The following ATXN2 variants were observed in gnomAD, a reference collection of about 807,000 sequenced individuals.
ATXN2 encodes ataxin-2.
Under a neutral mutation model 138.6 loss-of-function variants are expected in ATXN2, and 37 were observed. The observed-to-expected ratio is 0.27, with a 90% CI of 0.21 to 0.35. The LOEUF is 0.35. Ranked by LOEUF, ATXN2 falls within the 10% of genes least tolerant of loss-of-function variation. The probability of loss-of-function intolerance (pLI) is 1.00; values close to 1 mark genes in which losing one functional copy is unlikely to be tolerated. For missense variants in ATXN2, 1,216 were observed against 1,480.3 expected (o/e 0.82, Z 2.93); for synonymous variants, 549 against 543.7 (o/e 1.01, Z -0.13).
intron 1 of ATXN2, among the ~76,000 whole-genome samples, chr12:111,594,226 C>T (rs1304358177): frequency 6.6e-6 from 1 of 152,154 alleles, no homozygotes; most frequent in Non-Finnish European, 1.5e-5. Flanking sequence ...TTCAATAAAG[C>T]TGTATTCAAC....
At chr12:111,463,092 C>T (rs915223787) in intron 21 of ATXN2, among the ~76,000 whole-genome samples, 1 of 151,804 alleles carries the variant, frequency 6.6e-6, no homozygotes, top group African/African-American at 2.4e-5. Context: ...ATTTTAAATG[C>T]TAATATGGCA....
chr12:111,539,478 TG>T (rs1229217207), intron 5 of ATXN2, among the ~76,000 whole-genome samples: 1 of 150,478 alleles, frequency 6.6e-6, no homozygotes. Context: ...CCGGGTGCGA[TG>T]GCTCATGCCT....
In ATXN2 at chr12:111,464,661, C is replaced by T. The variant is rs1225191954; in HGVS notation, c.2896+1G>A. ...AAATTAGTATAAAAAACCCAACTCA[C>T]TGGCAAAGTAGAAAGAAGGGCTTGT... On this transcript the variant is annotated splice_donor_variant, in intron 21 of 24. Coordinates refer to ENST00000673436, the MANE Select transcript of ATXN2 (RefSeq NM_001372574.1). LOFTEE classifies it high-confidence loss of function. The T allele has an allele frequency of 6.2e-7, 1 of 1,608,680 alleles. No homozygotes were observed. Among genetic ancestry groups the T allele is most frequent in the South Asian group, 1.1e-5 (1 of 90,704 alleles).
In ATXN2 at chr12:111,553,014, T is replaced by C. The variant is rs749097505; in HGVS notation, c.349-37A>G. The C allele has an allele frequency of 5.2e-6, 7 of 1,343,396 alleles. No individual in the cohort carries two copies. The South Asian group carries it at 5.8e-5, about 11-fold the overall frequency. The allele number at this position is 1,343,396 out of a possible 1,614,324, so 83.2% of individuals were successfully genotyped here. A position where few individuals can be genotyped will look rare whatever the true frequency, so the allele number is the denominator to read the frequency against. ...TAATTTATTTATCAAAGAAACAGTA[T>C]ACTACCCGGTCACCAGGGATATTTG... On this transcript the variant is annotated intron_variant, in intron 3 of 24. Coordinates refer to ENST00000673436, the MANE Select transcript of ATXN2 (RefSeq NM_001372574.1).
At chr12:111,537,298 T>C (rs1881240549) in intron 5 of ATXN2, among the ~76,000 whole-genome samples, 1 of 152,048 alleles carries the variant, frequency 6.6e-6, no homozygotes, top group African/African-American at 2.4e-5. Context: ...TATCATAATA[T>C]ATATGGCCAG....
At chr12:111,491,938 C>A (rs967325552) in intron 14 of ATXN2, among the ~76,000 whole-genome samples, 5 of 152,148 alleles carry the variant, frequency 3.3e-5, no homozygotes, top group Non-Finnish European at 7.3e-5. Flanking sequence ...TCCTGGGCAG[C>A]ATTTCTAGAC....
intron 18 of ATXN2, chr12:111,482,857 G>A (rs1479882542): frequency 6.6e-6 from 1 of 151,680 alleles, no homozygotes; most frequent in East Asian, 1.9e-4. Flanking sequence ...ATAGCATACT[G>A]AGAAAACGAA....
At chr12:111,575,181 C>T (rs1485129013) in intron 1 of ATXN2, among the ~76,000 whole-genome samples, 5 of 151,958 alleles carry the variant, frequency 3.3e-5, no homozygotes, top group Admixed American at 3.3e-4. Flanking sequence ...GTCCCTGAAG[C>T]ACTAAAAAGA....
At chr12:111,565,435 A>G (rs999540710) in intron 1 of ATXN2, among the ~76,000 whole-genome samples, 1 of 152,196 alleles carries the variant, frequency 6.6e-6, no homozygotes, top group African/African-American at 2.4e-5. Flanking sequence ...ATCAGATTGT[A>G]TTTTACAATA....
chr12:111,542,387 C>T (rs1034589966), intron 5 of ATXN2, among the ~76,000 whole-genome samples: 1 of 151,880 alleles, frequency 6.6e-6, no homozygotes, highest in Admixed American at 6.6e-5. Flanking sequence ...CCCGTCACCT[C>T]GCCCAGCTAA....
chr12:111,506,908 T>C (rs1179619896), intron 14 of ATXN2, among the ~76,000 whole-genome samples: 8 of 151,958 alleles, frequency 5.3e-5, no homozygotes, highest in Non-Finnish European at 7.4e-5. Context: ...GCGAGTGATC[T>C]GCCAGCCTCG....
Position 111,520,021 on chromosome 12 carries a change from T to A in ATXN2, c.844A>T (p.Asn282Tyr). ...EEFLKREARA[N>Y]QLAEEIESSA... ...GACTCAATTTCTTCTGCTAACTGGT[T>A]TGCCCTTGCTTCCCGTTTTAAAAAT... Residue 282 changes from asparagine to tyrosine, a missense_variant, in exon 8 of 25, where the codon AAC becomes TAC. Transcript: ENST00000673436. The A allele has an allele frequency of 6.2e-7, 1 of 1,614,166 alleles. No homozygotes were observed. Among genetic ancestry groups the A allele is most frequent in the African/African-American group, 1.3e-5 (1 of 75,048 alleles).
intron 1 of ATXN2, among the ~76,000 whole-genome samples, chr12:111,566,421 C>CA (rs1468143396): frequency 1.1e-5 from 1 of 89,906 alleles, no homozygotes; most frequent in African/African-American, 4.6e-5. Context: ...GTGACAAGAG[C>CA]AAAAAAAACT....
At chr12:111,486,632 A>G in intron 16 of ATXN2, 129 bp downstream of exon 16, 1 of 672,908 alleles carries the variant, frequency 1.5e-6, no homozygotes, top group Non-Finnish European at 2.5e-6. Flanking sequence ...ATGGCCATGT[A>G]AAAAAAAGAA....
intron 1 of ATXN2, among the ~76,000 whole-genome samples, chr12:111,588,004 G>A (rs1466178322): frequency 1.3e-5 from 2 of 151,908 alleles, no homozygotes; most frequent in Non-Finnish European, 2.9e-5. Flanking sequence ...GATCAACATG[G>A]CAAAACTCCA....
At chr12:111,500,805 G>A (rs1212254731) in intron 14 of ATXN2, among the ~76,000 whole-genome samples, 1 of 152,142 alleles carries the variant, frequency 6.6e-6, no homozygotes, top group Non-Finnish European at 1.5e-5. Flanking sequence ...CCCTGGAGGC[G>A]GAGGTTGCAG....
chr12:111,530,696 C>T lies in ATXN2; in HGVS notation c.572-5380G>A, dbSNP rs570513276. Among the ~76,000 whole-genome samples the T allele has an allele frequency of 5.9e-5, 9 of 152,332 alleles. No homozygotes were observed. In the South Asian group the frequency reaches 1.9e-3, roughly 32 times the overall value. ...GGGCGTAGTGGCCGGCGCCTGTAAT[C>T]CCAGCTACTCGGGAGGCTGAGGCAG... is the stretch of plus-strand genomic sequence containing the variant. On this transcript the variant is annotated intron_variant, in intron 5 of 24. Transcript: ENST00000673436.
intron 1 of ATXN2, among the ~76,000 whole-genome samples, chr12:111,566,608 T>C (rs1883024310): frequency 6.6e-6 from 1 of 151,818 alleles, no homozygotes; most frequent in Admixed American, 6.6e-5. Context: ...AACATCAACA[T>C]TAACAGGAGT....
chr12:111,597,641 GCA>G (rs2135860174), intron 1 of ATXN2: 1 of 447,822 alleles, frequency 2.2e-6, no homozygotes, highest in Admixed American at 2.4e-5. Context: ...AGGCCCTCCT[GCA>G]CAAACACACC....
Sources: gnomAD v4.1 joint callset for allele counts (sites outside exome capture counted in the v4.1 genomes callset) on GRCh38, gnomAD v4.1.1 for gene constraint, MANE v1.5 for transcripts, NCBI Gene and HGNC (gene_info 2026-07-23, HGNC 2026-07-21) for gene names.